VCAM1: variants seen among roughly 807,000 people sequenced by gnomAD.
The protein encoded by VCAM1 is vascular cell adhesion protein 1.
VCAM1 carries 41 observed loss-of-function variants against 63.8 expected under a neutral mutation model. The ratio of observed to expected loss-of-function variants is 0.64; its 90% confidence interval spans 0.50 to 0.83. VCAM1 has a LOEUF of 0.83. VCAM1 is among the 40% of genes least tolerant of loss of function. The pLI is 0.00. For missense variants in VCAM1, 798 were observed against 875.5 expected (o/e 0.91, Z 1.12); for synonymous variants, 338 against 320.7 (o/e 1.05, Z -0.58).
intron 5 of VCAM1, among the ~76,000 whole-genome samples, chr1:100,730,253 G>T (rs913908292): frequency 6.6e-6 from 1 of 152,062 alleles, no homozygotes; most frequent in Non-Finnish European, 1.5e-5. Context: ...TCTCTCCAAA[G>T]AAAGATAAAT....
chr1:100,732,417 G>A lies in VCAM1; in HGVS notation c.1526-1G>A. 6.5e-7 allele frequency: 1 copy of A among 1,545,744 alleles called. No homozygotes were observed. Among genetic ancestry groups the A allele is most frequent in the Non-Finnish European group, 8.7e-7 (1 of 1,149,176 alleles). On this transcript the variant is annotated splice_acceptor_variant, in intron 6 of 8. Coordinates refer to ENST00000294728, the MANE Select transcript of VCAM1 (RefSeq NM_001078.4). LOFTEE classifies it high-confidence loss of function. ...GCTAACAAGCGTCTCTGCCTTTTCA[G>A]TTGCCCCCAGAGATACAACCGTCTT...
rs201899191 is a variant in VCAM1, at chr1:100,723,193, T to A, written c.514T>A (p.Ser172Thr). ...ATTTCTGGAGGATGCAGACAGGAAG[T>A]CCCTGGAAACCAAGAGTTTGGAAGT... Reference protein sequence around the residue: ...QEFLEDADRKSLETKSLEVTF... With the variant: ...QEFLEDADRKTLETKSLEVTF... The change falls in exon 3 of 9, where the codon TCC becomes ACC. Residue 172 changes from serine to threonine, a missense_variant. Physicochemically the swap from Ser to Thr is moderately conservative, Grantham distance 58 (BLOSUM62 1). Coordinates refer to ENST00000294728, the MANE Select transcript of VCAM1 (RefSeq NM_001078.4). The A allele has an allele frequency of 3.7e-6, 6 of 1,612,984 alleles. No individual in the cohort carries two copies. The highest frequency in any genetic ancestry group is 1.3e-5 in the African/African-American group (1 of 74,834).
chr1:100,721,422 A>G (rs1426275592), intron 2 of VCAM1, among the ~76,000 whole-genome samples: 1 of 152,042 alleles, frequency 6.6e-6, no homozygotes, highest in Non-Finnish European at 1.5e-5. Flanking sequence ...CTAGTTTACC[A>G]GCCTGACAAA....
intron 2 of VCAM1, among the ~76,000 whole-genome samples, chr1:100,721,665 C>T (rs920661095): frequency 2.0e-5 from 3 of 152,012 alleles, no homozygotes; most frequent in Non-Finnish European, 2.9e-5. Context: ...TGCAACAAAC[C>T]GCATGTGTTG....
intron 5 of VCAM1, among the ~76,000 whole-genome samples, chr1:100,729,653 G>A (rs976695267): frequency 7.9e-5 from 12 of 152,108 alleles, no homozygotes; most frequent in Non-Finnish European, 1.6e-4. Context: ...ACTCCATGCT[G>A]GAGGTGAGTG....
chr1:100,720,432 C>A, intron 1 of VCAM1, 44 bp from the exon 2 acceptor site: 2 of 1,582,718 alleles, frequency 1.3e-6, no homozygotes, highest in South Asian at 1.2e-5. Flanking sequence ...GAATACTAGA[C>A]AAACTAGTGG....
In VCAM1 at chr1:100,732,420, G is replaced by T. The variant is rs760845078; in HGVS notation, c.1528G>T (p.Ala510Ser). 6.5e-7 allele frequency: 1 copy of T among 1,547,142 alleles called. No homozygotes were observed. Among genetic ancestry groups the T allele is most frequent in the Admixed American group, 2.2e-5 (1 of 45,790 alleles). ...AACAAGCGTCTCTGCCTTTTCAGTTGCCCCCAGAGATACAACCGTCTTGGT... is the reference window on the plus strand; with the variant it reads ...AACAAGCGTCTCTGCCTTTTCAGTTTCCCCCAGAGATACAACCGTCTTGGT... ...QSTQTLYVNV[A>S]PRDTTVLVSP... The change falls in exon 7 of 9, where the codon GCC (alanine) becomes TCC (serine). Residue 510 changes from alanine (A) to serine (S), a missense_variant and splice_region_variant. By Grantham distance (99) the Ala-to-Ser change is moderately conservative. Coordinates refer to ENST00000294728, the MANE Select transcript of VCAM1 (RefSeq NM_001078.4).
At chr1:100,732,821 CA>C in intron 7 of VCAM1, 137 bp downstream of exon 7, 2 of 940,190 alleles carry the variant, frequency 2.1e-6, no homozygotes, top group Non-Finnish European at 3.0e-6. Flanking sequence ...ATGATGTTTC[CA>C]ATGTATGGAG....
intron 8 of VCAM1, chr1:100,735,312 C>A (rs1299574443): frequency 1.3e-5 from 2 of 153,864 alleles, no homozygotes; most frequent in Middle Eastern, 3.4e-3. Context: ...CTACTCTATT[C>A]TGGTGGACAG....
intron 4 of VCAM1, among the ~76,000 whole-genome samples, chr1:100,725,977 G>C (rs1660146295): frequency 6.6e-6 from 1 of 151,866 alleles, no homozygotes; most frequent in South Asian, 2.1e-4. Flanking sequence ...TAGTCATCAT[G>C]ATGTACAATA....
rs760022420 is a variant in VCAM1 at position 100,732,559 on chromosome 1, A to T, written c.1667A>T (p.Gln556Leu). ...AGGCAGCTCCCTAACGGGGAGCTAC[A>T]GCCTCTTTCTGAGAATGCAACTCTC... ...WSRQLPNGEL[Q>L]PLSENATLTL... The change falls in exon 7 of 9, where the codon CAG becomes CTG. Residue 556 changes from glutamine to leucine, a missense_variant. By Grantham distance (113) the Gln-to-Leu change is moderately radical (BLOSUM62 -2). Coordinates refer to ENST00000294728, the MANE Select transcript of VCAM1 (RefSeq NM_001078.4). 6.2e-7 allele frequency: 1 copy of T among 1,613,444 alleles called. No individual in the cohort carries two copies. Among genetic ancestry groups the T allele is most frequent in the South Asian group, 1.1e-5 (1 of 90,910 alleles).
At chr1:100,735,052 A>G (rs3176876) in intron 8 of VCAM1, 125,287 of 329,360 alleles carry the variant, frequency 0.38, 25,499 homozygotes, top group African/African-American at 0.51. Context: ...CATATTTTCA[A>G]ACCTTTTCCC....
chr1:100,726,190 T>C (rs888634474), intron 4 of VCAM1, among the ~76,000 whole-genome samples: 1 of 152,058 alleles, frequency 6.6e-6, no homozygotes, highest in African/African-American at 2.4e-5. Context: ...CTTAGCATAG[T>C]GTCCTCTGGG....
chr1:100,734,435 G>A (rs1660579188), intron 7 of VCAM1, 67 bp from the exon 8 acceptor site: 3 of 1,522,006 alleles, frequency 2.0e-6, no homozygotes, highest in Admixed American at 4.1e-5. Flanking sequence ...TGTTGATGTC[G>A]CTAAATTAAT....
At chr1:100,723,371 T>C in intron 3 of VCAM1, 31 bp downstream of exon 3, 1 of 1,593,638 alleles carries the variant, frequency 6.3e-7, no homozygotes, top group Non-Finnish European at 8.6e-7. Context: ...TTCCAGTCTT[T>C]GTGGGAATCC....
chr1:100,722,739 G>A (rs1486918334), intron 2 of VCAM1, among the ~76,000 whole-genome samples: 1 of 151,982 alleles, frequency 6.6e-6, no homozygotes, highest in African/African-American at 2.4e-5. Flanking sequence ...CCACATGTAA[G>A]GTTCAATATA....
intron 4 of VCAM1, 73 bp from the exon 5 acceptor site, chr1:100,729,034 C>G: frequency 7.0e-7 from 1 of 1,438,128 alleles, no homozygotes; most frequent in Non-Finnish European, 9.2e-7. Context: ...AAATAAAGAT[C>G]ATATGTCAGA....
In VCAM1 at chr1:100,738,419, T is replaced by C; in HGVS notation, c.*136T>C. ...TATTGAACTTGGAAAGAAATGCCCA[T>C]CTATGTCCCTTGCTGTGAGCAAGAA... On this transcript the variant is annotated 3_prime_UTR_variant, in exon 9 of 9. Transcript: ENST00000294728. 2 of 995,546 alleles carry C rather than the reference T, an allele frequency of 2.0e-6. No individual in the cohort carries two copies. Among genetic ancestry groups the C allele is most frequent in the Non-Finnish European group, 2.9e-6 (2 of 694,684 alleles). The allele number at this position is 995,546 out of a possible 1,614,324, so 61.7% of individuals were successfully genotyped here.
At chr1:100,726,959 C>T (rs907053914) in intron 4 of VCAM1, among the ~76,000 whole-genome samples, 1 of 151,804 alleles carries the variant, frequency 6.6e-6, no homozygotes, top group African/African-American at 2.4e-5. Flanking sequence ...GCCAGGAGTA[C>T]AAGACCAGCC....
Sources: gnomAD v4.1 joint callset for allele counts (sites outside exome capture counted in the v4.1 genomes callset) on GRCh38, gnomAD v4.1.1 for gene constraint, MANE v1.5 for transcripts, NCBI Gene and HGNC (gene_info 2026-07-23, HGNC 2026-07-21) for gene names.